Variants in PTPRD observed in about 807,000 individuals in gnomAD.
The protein encoded by PTPRD is receptor-type tyrosine-protein phosphatase delta.
In PTPRD, 34 loss-of-function variants were observed where a neutral mutation model predicts 214.5. The ratio of observed to expected loss-of-function variants is 0.16; its 90% CI spans 0.12 to 0.21. The LOEUF is 0.21. Ranked by LOEUF, PTPRD falls within the 10% of genes least tolerant of loss-of-function variation. The probability of loss-of-function intolerance (pLI) is 1.00; values close to 1 mark genes in which losing one functional copy is unlikely to be tolerated. For synonymous variants in PTPRD, 1,128 were observed against 845.7 expected (o/e 1.33, Z -5.79); for missense variants, 2,545 against 2,398.7 (o/e 1.06, Z -1.27).
chr9:8,379,811 T>C (rs1172055756), intron 37 of PTPRD, among the ~76,000 whole-genome samples: 1 of 152,142 alleles, frequency 6.6e-6, no homozygotes, highest in African/African-American at 2.4e-5. Context: ...CTTTTTCTAT[T>C]TGATTTAGAA....
chr9:8,536,226 T>C (rs1385111574), intron 14 of PTPRD, among the ~76,000 whole-genome samples: 4 of 151,980 alleles, frequency 2.6e-5, no homozygotes, highest in East Asian at 3.9e-4. Context: ...ATCTTCATCA[T>C]GTAGTGATGA....
chr9:8,687,244 A>C (rs2097699121), intron 12 of PTPRD, among the ~76,000 whole-genome samples: 1 of 152,136 alleles, frequency 6.6e-6, no homozygotes, highest in Admixed American at 6.6e-5. Flanking sequence ...CTTATCCTAC[A>C]TTTGGTTTCA....
chr9:9,285,385 A>G (rs904737749), intron 9 of PTPRD, among the ~76,000 whole-genome samples: 1 of 151,806 alleles, frequency 6.6e-6, no homozygotes, highest in East Asian at 2.0e-4. Context: ...AAAGAATGAT[A>G]AAGACTCATC....
intron 9 of PTPRD, among the ~76,000 whole-genome samples, chr9:9,312,854 A>C (rs1346407321): frequency 1.3e-5 from 2 of 152,352 alleles, no homozygotes; most frequent in Non-Finnish European, 2.9e-5. Flanking sequence ...CAAGCCTGCC[A>C]TACTTGTGAT....
intron 7 of PTPRD, among the ~76,000 whole-genome samples, chr9:9,671,081 T>A (rs2096824088): frequency 6.6e-6 from 1 of 152,116 alleles, no homozygotes; most frequent in South Asian, 2.1e-4. Context: ...TGCCAGCTCA[T>A]GAAAGCAGCT....
At chr9:10,538,654 CATATATAGG>C (rs201809443) in intron 2 of PTPRD, among the ~76,000 whole-genome samples, 5,463 of 152,112 alleles carry the variant, frequency 0.036, 235 homozygotes, top group South Asian at 0.11. Context: ...TAAGTTCTCC[CATATATAGG>C]ATGTACTGAA....
intron 3 of PTPRD, among the ~76,000 whole-genome samples, chr9:10,090,470 TG>T (rs1020031783): frequency 1.3e-4 from 20 of 151,486 alleles, no homozygotes; most frequent in Admixed American, 9.9e-4. Flanking sequence ...TTAAAACCTC[TG>T]GGAAAAATAA....
intron 14 of PTPRD, among the ~76,000 whole-genome samples, chr9:8,594,486 A>G (rs978420943): frequency 6.6e-6 from 1 of 152,252 alleles, no homozygotes; most frequent in African/African-American, 2.4e-5. Context: ...CCACCTAATC[A>G]TTTGATACGG....
At chr9:8,521,238 G>C (rs2138841738) in intron 20 of PTPRD, 39 bp downstream of exon 20, 1 of 1,578,782 alleles carries the variant, frequency 6.3e-7, no homozygotes, top group African/African-American at 1.3e-5. Context: ...CTTGGCTTGA[G>C]TGTACCCAGA....
chr9:8,925,768 C>T (rs1026769370), intron 11 of PTPRD, among the ~76,000 whole-genome samples: 5 of 151,572 alleles, frequency 3.3e-5, no homozygotes, highest in African/African-American at 4.9e-5. Context: ...CCTTTCTCCC[C>T]CTGACACTCA....
intron 30 of PTPRD, among the ~76,000 whole-genome samples, chr9:8,476,173 G>C (rs2096760257): frequency 6.6e-6 from 1 of 152,112 alleles, no homozygotes; most frequent in Non-Finnish European, 1.5e-5. Context: ...CCACGGACAG[G>C]GTGGGGATTG....
chr9:8,781,459 A>G (rs2095693851), intron 11 of PTPRD, among the ~76,000 whole-genome samples: 1 of 152,216 alleles, frequency 6.6e-6, no homozygotes, highest in Non-Finnish European at 1.5e-5. Context: ...TAGCTGAGAA[A>G]AAGATATGTC....
chr9:8,885,028 T>C (rs1566824076), intron 11 of PTPRD, among the ~76,000 whole-genome samples: 1 of 152,144 alleles, frequency 6.6e-6, no homozygotes, highest in Non-Finnish European at 1.5e-5. Flanking sequence ...TGGGATGGAA[T>C]CAATTAGCAT....
chr9:10,152,124 A>G (rs975280522), intron 3 of PTPRD, among the ~76,000 whole-genome samples: 13 of 152,178 alleles, frequency 8.5e-5, no homozygotes, highest in African/African-American at 3.1e-4. Context: ...AACTGTTTCC[A>G]AAGGGACTAT....
intron 4 of PTPRD, among the ~76,000 whole-genome samples, chr9:10,027,185 T>A (rs1412554829): frequency 2.0e-5 from 3 of 152,188 alleles, no homozygotes; most frequent in Non-Finnish European, 4.4e-5. Context: ...TGAAATACAA[T>A]GTGAATGAAT....
intron 5 of PTPRD, among the ~76,000 whole-genome samples, chr9:9,911,046 T>C (rs1193610850): frequency 6.6e-6 from 1 of 152,040 alleles, no homozygotes; most frequent in African/African-American, 2.4e-5. Flanking sequence ...CAGTTGATAG[T>C]TTGTTCTTCC....
intron 5 of PTPRD, among the ~76,000 whole-genome samples, chr9:9,790,131 T>C (rs1289131630): frequency 6.6e-6 from 1 of 152,188 alleles, no homozygotes. Flanking sequence ...ATCTAGACTG[T>C]ACTATTCGTT....
chr9:10,380,406 A>G (rs7867199), intron 2 of PTPRD, among the ~76,000 whole-genome samples: 26,847 of 151,968 alleles, frequency 0.18, 3,237 homozygotes, highest in East Asian at 0.63. Context: ...ATGATTTTCA[A>G]TTGCATTTGT....
chr9:10,507,403 C>G (rs1183770717), intron 2 of PTPRD, among the ~76,000 whole-genome samples: 2 of 152,050 alleles, frequency 1.3e-5, no homozygotes, highest in Non-Finnish European at 2.9e-5. Flanking sequence ...AATGCCATCC[C>G]CATCAAGCTA....
Sources: gnomAD v4.1 joint callset for allele counts (sites outside exome capture counted in the v4.1 genomes callset) on GRCh38, gnomAD v4.1.1 for gene constraint, MANE v1.5 for transcripts, NCBI Gene and HGNC (gene_info 2026-07-23, HGNC 2026-07-21) for gene names.